Variants in NRXN3 observed in about 807,000 individuals in gnomAD.
NRXN3 encodes neurexin III.
In NRXN3, 32 loss-of-function variants were observed where a neutral mutation model predicts 137.6. The ratio of observed to expected loss-of-function variants is 0.23; its 90% confidence interval spans 0.18 to 0.31. The LOEUF is 0.31. NRXN3 is among the 10% of genes least tolerant of loss of function. NRXN3 has a pLI of 1.00. For missense variants in NRXN3, 1,574 were observed against 2,062.5 expected, an observed-to-expected ratio of 0.76 and a Z score of 4.59; for synonymous variants, 798 against 784.5, an observed-to-expected ratio of 1.02 and a Z score of -0.29.
Position 79,706,196 on chromosome 14 carries a change from G to T in NRXN3, c.4014+8259G>T, listed in dbSNP as rs536084757. ...GTCTCTGGTATGTAAGATTATTTTTGTTAGCTTCCAGTCTTGTTGCTCAGC... is the reference window on the plus strand; with the variant it reads ...GTCTCTGGTATGTAAGATTATTTTTTTTAGCTTCCAGTCTTGTTGCTCAGC... On this transcript the variant is annotated intron_variant, in intron 19 of 20. Transcript: ENST00000335750. 3.0e-3 allele frequency among the ~76,000 whole-genome samples: 462 copies of T among 152,210 alleles called. 1 individual carries two copies. The highest frequency in any genetic ancestry group is 5.4e-3 in the Non-Finnish European group (370 of 68,006).
intron 15 of NRXN3, among the ~76,000 whole-genome samples, chr14:79,189,643 CTTTTGT>C (rs1222897153): frequency 1.1e-4 from 16 of 152,098 alleles, no homozygotes; most frequent in African/African-American, 3.1e-4. Flanking sequence ...ATGGCTTTTG[CTTTTGT>C]AGGGACTTTT....
At chr14:79,855,982 A>G (rs1424994389) in intron 20 of NRXN3, among the ~76,000 whole-genome samples, 5 of 152,196 alleles carry the variant, frequency 3.3e-5, no homozygotes, top group Non-Finnish European at 5.9e-5. Context: ...TTAATAAGCA[A>G]ATGAAACACT....
chr14:79,147,245 T>C (rs2153018402), intron 15 of NRXN3, among the ~76,000 whole-genome samples: 1 of 152,340 alleles, frequency 6.6e-6, no homozygotes, highest in East Asian at 1.9e-4. Flanking sequence ...TGAATGCTTA[T>C]GCTCCTCTCT....
intron 4 of NRXN3, among the ~76,000 whole-genome samples, chr14:78,298,817 G>T (rs1285533259): frequency 6.6e-6 from 1 of 152,132 alleles, no homozygotes; most frequent in East Asian, 1.9e-4. Context: ...GAGGACCAAA[G>T]AAAAAGGGAA....
chr14:79,039,993 C>A (rs1321608614), intron 15 of NRXN3, among the ~76,000 whole-genome samples: 2 of 152,166 alleles, frequency 1.3e-5, no homozygotes, highest in East Asian at 3.9e-4. Context: ...CCTGAGCCAT[C>A]TTTTCATTAT....
chr14:79,341,257 C>T (rs2092596097), intron 15 of NRXN3, among the ~76,000 whole-genome samples: 1 of 152,216 alleles, frequency 6.6e-6, no homozygotes. Context: ...TAGTTACTAC[C>T]CAGGGTAATC....
intron 6 of NRXN3, among the ~76,000 whole-genome samples, chr14:78,678,041 G>T (rs1410859189): frequency 6.6e-6 from 1 of 152,024 alleles, no homozygotes. Context: ...ACCAGGAAAT[G>T]AAAAAACATT....
intron 18 of NRXN3, among the ~76,000 whole-genome samples, chr14:79,696,270 A>G (rs1457889503): frequency 6.6e-6 from 1 of 151,966 alleles, no homozygotes; most frequent in Admixed American, 6.6e-5. Flanking sequence ...TGGAAATTAT[A>G]AAGCAAAAAG....
chr14:78,180,547 T>C (rs888693338), intron 1 of NRXN3, among the ~76,000 whole-genome samples: 6 of 152,208 alleles, frequency 3.9e-5, no homozygotes, highest in Non-Finnish European at 8.8e-5. Context: ...CTATCTTGCC[T>C]GTGGCCGCAG....
In NRXN3 at chr14:79,803,310, T is replaced by C. The variant is rs577100132; in HGVS notation, c.4015-1802T>C. Among the ~76,000 whole-genome samples the C allele has an allele frequency of 3.4e-4, 51 of 152,210 alleles. 1 individual carries two copies. The South Asian group carries it at 0.01, about 31-fold the overall frequency. On this transcript the variant is annotated intron_variant, in intron 19 of 20. Coordinates refer to ENST00000335750, the MANE Select transcript of NRXN3 (RefSeq NM_001330195.2). Reference sequence around the variant, plus strand: ...TGTCATATATATTCATTTATTAGGGTTGTCATAACAAAATATCCCAGACCA... The same window carrying C: ...TGTCATATATATTCATTTATTAGGGCTGTCATAACAAAATATCCCAGACCA...
chr14:79,741,846 T>C (rs2098964452), intron 19 of NRXN3, among the ~76,000 whole-genome samples: 2 of 152,126 alleles, frequency 1.3e-5, no homozygotes, highest in South Asian at 4.1e-4. Context: ...TGTATACGTA[T>C]ATATCTGTAT....
At chr14:79,398,846 C>A in intron 15 of NRXN3, among the ~76,000 whole-genome samples, 1 of 151,672 alleles carries the variant, frequency 6.6e-6, no homozygotes. Context: ...CCTGTCTCTA[C>A]TAAAAATACA....
At chr14:79,135,839 C>T (rs1375920049) in intron 15 of NRXN3, among the ~76,000 whole-genome samples, 1 of 152,180 alleles carries the variant, frequency 6.6e-6, no homozygotes, top group East Asian at 1.9e-4. Flanking sequence ...TCAGAGAAGG[C>T]ATGTCAGTTT....
chr14:79,433,220 CCT>C (rs2095792242), intron 15 of NRXN3, among the ~76,000 whole-genome samples: 1 of 152,092 alleles, frequency 6.6e-6, no homozygotes, highest in African/African-American at 2.4e-5. Flanking sequence ...TTCCAATTTA[CCT>C]CTTAGGAGGA....
At chr14:78,585,962 G>A (rs368316521) in intron 4 of NRXN3, among the ~76,000 whole-genome samples, 12 of 152,224 alleles carry the variant, frequency 7.9e-5, no homozygotes, top group Non-Finnish European at 1.3e-4. Flanking sequence ...GGATGGAAGC[G>A]TAGATAAATT....
At chr14:79,126,061 C>T (rs1486718274) in intron 15 of NRXN3, among the ~76,000 whole-genome samples, 61 of 152,088 alleles carry the variant, frequency 4.0e-4, no homozygotes, top group Admixed American at 4.0e-3. Context: ...AAATTGAACA[C>T]AGAGGCCTCT....
At chr14:79,054,725 C>T (rs1361196234) in intron 15 of NRXN3, among the ~76,000 whole-genome samples, 2 of 152,102 alleles carry the variant, frequency 1.3e-5, no homozygotes, top group Admixed American at 1.3e-4. Flanking sequence ...ACAAGCTTTC[C>T]TTTAAGAATC....
chr14:78,964,126 T>G (rs2099413160), intron 11 of NRXN3, among the ~76,000 whole-genome samples: 1 of 152,216 alleles, frequency 6.6e-6, no homozygotes, highest in Non-Finnish European at 1.5e-5. Context: ...TATTGAGCAC[T>G]TAAGGGTATG....
intron 17 of NRXN3, among the ~76,000 whole-genome samples, chr14:79,676,870 G>A (rs915521608): frequency 2.4e-4 from 37 of 152,056 alleles, no homozygotes; most frequent in African/African-American, 8.7e-4. Flanking sequence ...AGCATATACT[G>A]CCAGATTTGG....
Sources: allele counts gnomAD v4.1 joint callset (sites outside exome capture counted in the v4.1 genomes callset), GRCh38; gene constraint gnomAD v4.1.1; transcripts MANE v1.5; gene names NCBI Gene and HGNC (gene_info 2026-07-23, HGNC 2026-07-21).